The following NFATC2 variants were observed in gnomAD, a reference collection of about 807,000 sequenced individuals.
NFATC2 encodes the protein nuclear factor of activated T cells 2.
A neutral mutation model predicts 87.3 loss-of-function variants in NFATC2; 22 were observed. The ratio of observed to expected loss-of-function variants is 0.25; its 90% CI spans 0.18 to 0.36. NFATC2 has a LOEUF of 0.36. Ranked by LOEUF, NFATC2 falls within the 10% of genes least tolerant of loss-of-function variation. The pLI is 1.00. For synonymous variants in NFATC2, 565 were observed against 542.2 expected (o/e 1.04, Z -0.58); for missense variants, 1,149 against 1,259.1 (o/e 0.91, Z 1.32).
At chr20:51,457,305 C>T (rs1986654672) in intron 5 of NFATC2, among the ~76,000 whole-genome samples, 1 of 152,226 alleles carries the variant, frequency 6.6e-6, no homozygotes, top group African/African-American at 2.4e-5. Context: ...GCATCCCACC[C>T]ATTTTACAGG....
intron 9 of NFATC2, among the ~76,000 whole-genome samples, chr20:51,399,500 C>T (rs1462193963): frequency 6.6e-6 from 1 of 150,800 alleles, no homozygotes; most frequent in South Asian, 2.1e-4. Context: ...AACTAGGATG[C>T]TTTTTCAAAT....
intron 5 of NFATC2, among the ~76,000 whole-genome samples, chr20:51,473,049 T>C (rs1003551195): frequency 2.6e-5 from 4 of 152,226 alleles, no homozygotes; most frequent in African/African-American, 9.6e-5. Context: ...TAAACTTAGG[T>C]ATAAAGTACG....
chr20:51,531,081 A>G (rs2076625608), intron 1 of NFATC2, among the ~76,000 whole-genome samples: 2 of 152,200 alleles, frequency 1.3e-5, no homozygotes, highest in South Asian at 4.1e-4. Flanking sequence ...CCACCTACCC[A>G]CTGGATGCCA....
chr20:51,562,521 G>A lies in NFATC2; in HGVS notation c.70+39C>T, dbSNP rs1206451964. On this transcript the variant is annotated intron_variant, in intron 1 of 10. Coordinates refer to the NFATC2 transcript ENST00000414705. The surrounding 1 kb of genome is among the most constrained non-coding windows in gnomAD (Gnocchi z 5.8). ...GAGCAGCAGGAAAGGGCCGGGAGGA[G>A]CGAGCGGAAAAGGCTGGAAGGGATC... 21 of 1,514,198 alleles carry A rather than the reference G, an allele frequency of 1.4e-5. No homozygotes were observed. The highest frequency in any genetic ancestry group is 2.0e-5 in the Admixed American group (1 of 50,482). 93.8% of individuals were successfully genotyped at this position (1,514,198 alleles called of 1,614,324 possible). A position where few individuals can be genotyped will look rare whatever the true frequency, so the allele number is the denominator to read the frequency against.
rs891845633 is a variant in NFATC2, at chr20:51,524,255, C to T, written c.131-145G>A. 8.6e-5 allele frequency: 62 copies of T among 723,688 alleles called. No individual in the cohort carries two copies. The highest frequency in any genetic ancestry group is 3.7e-5 in the African/African-American group (2 of 53,924). The allele number at this position is 723,688 out of a possible 1,614,324, so 44.8% of individuals were successfully genotyped here. ...CCAAACCCCAAGCTAGAAGCTCCGT[C>T]CCTCACCAGAAGAAAACTGAGGCCA... On this transcript the variant is annotated intron_variant, in intron 1 of 10. Coordinates refer to ENST00000371564, the MANE Select transcript of NFATC2 (RefSeq NM_012340.5). This position sits in a 1 kb window ranked among gnomAD's most constrained non-coding sequence, Gnocchi z 4.0.
At chr20:51,557,398 G>A (rs1568762322) in intron 1 of NFATC2, among the ~76,000 whole-genome samples, 1 of 152,208 alleles carries the variant, frequency 6.6e-6, no homozygotes, top group Admixed American at 6.5e-5. Flanking sequence ...TGGGGAGGAC[G>A]GGAGAGAGGA....
At position 51,460,512 on chromosome 20, in the gene NFATC2, C is replaced by A. The variant is rs114735183; in HGVS notation, c.1709-5824G>T. Among the ~76,000 whole-genome samples, 1,159 of 151,984 alleles carry A rather than the reference C, an allele frequency of 7.6e-3. 17 individuals are homozygous for A. The highest frequency in any genetic ancestry group is 0.026 in the African/African-American group (1,073 of 41,464). ...GCTTCTGAGAGGCTGTATGTGCCAGCCATAGACATTGTTGTCTTATATATT... is the reference window on the plus strand; with the variant it reads ...GCTTCTGAGAGGCTGTATGTGCCAGACATAGACATTGTTGTCTTATATATT... On this transcript the variant is annotated intron_variant, in intron 5 of 10. Coordinates refer to ENST00000371564, the MANE Select transcript of NFATC2 (RefSeq NM_012340.5).
intron 3 of NFATC2, among the ~76,000 whole-genome samples, chr20:51,485,116 G>T (rs1164759165): frequency 1.3e-5 from 2 of 152,192 alleles, no homozygotes; most frequent in Non-Finnish European, 1.5e-5. Flanking sequence ...CCCGAAACAT[G>T]CTAGATTTGT....
chr20:51,495,660 A>T (rs1425528776), intron 3 of NFATC2, among the ~76,000 whole-genome samples: 2 of 152,196 alleles, frequency 1.3e-5, no homozygotes, highest in Non-Finnish European at 1.5e-5. Context: ...GACCAAGGAA[A>T]ATTGACTCAC....
chr20:51,439,703 G>A (rs921445880), intron 6 of NFATC2, among the ~76,000 whole-genome samples: 5 of 152,126 alleles, frequency 3.3e-5, no homozygotes, highest in African/African-American at 4.8e-5. Context: ...CATGTCCTGC[G>A]GCCACAACCA....
At chr20:51,552,969 C>T (rs184599202) in intron 1 of NFATC2, among the ~76,000 whole-genome samples, 3 of 152,230 alleles carry the variant, frequency 2.0e-5, no homozygotes, top group East Asian at 3.9e-4. Flanking sequence ...CTCTCCCTCC[C>T]GCACCTTCCT....
chr20:51,463,093 G>A (rs532445512), intron 5 of NFATC2, among the ~76,000 whole-genome samples: 5 of 152,368 alleles, frequency 3.3e-5, no homozygotes, highest in African/African-American at 9.6e-5. Context: ...CTGTGAGCCT[G>A]GTCTGGCTGG....
chr20:51,467,880 C>A (rs1295168206), intron 5 of NFATC2, among the ~76,000 whole-genome samples: 3 of 152,160 alleles, frequency 2.0e-5, no homozygotes, highest in Non-Finnish European at 4.4e-5. Context: ...TGCATAGTAG[C>A]CTTATCCATA....
intron 3 of NFATC2, among the ~76,000 whole-genome samples, chr20:51,479,487 C>T (rs917681816): frequency 3.3e-5 from 5 of 152,156 alleles, no homozygotes; most frequent in East Asian, 3.9e-4. Context: ...GGCATAGTGT[C>T]GCACGTCCGT....
intron 5 of NFATC2, 92 bp downstream of exon 5, chr20:51,473,888 C>T: frequency 7.1e-7 from 1 of 1,414,522 alleles, no homozygotes; most frequent in Middle Eastern, 2.0e-4. Context: ...GCAGGCCACC[C>T]CGGGTACCTC....
chr20:51,396,038 GTATATATATATATATATATATA>G (rs1161908517), intron 10 of NFATC2, among the ~76,000 whole-genome samples: 280 of 21,288 alleles, frequency 0.013, 3 homozygotes, highest in South Asian at 0.083. Flanking sequence ...CTCCTAGTAT[GTATATATATATATATATATATA>G]TATATATATA....
At chr20:51,455,580 G>T (rs554756896) in intron 5 of NFATC2, among the ~76,000 whole-genome samples, 3 of 150,216 alleles carry the variant, frequency 2.0e-5, no homozygotes, top group African/African-American at 7.4e-5. Context: ...TATGTAGCTT[G>T]TATTGGTTTA....
intron 1 of NFATC2, among the ~76,000 whole-genome samples, chr20:51,559,301 C>T (rs1269197892): frequency 6.6e-6 from 1 of 152,216 alleles, no homozygotes; most frequent in African/African-American, 2.4e-5. Context: ...AGTTTCACCA[C>T]CTCTAGCAAT....
chr20:51,538,022 AC>A (rs2076748235), intron 1 of NFATC2, among the ~76,000 whole-genome samples: 1 of 152,216 alleles, frequency 6.6e-6, no homozygotes, highest in Non-Finnish European at 1.5e-5. Context: ...ACAAAGAAGC[AC>A]CAGGTCCAGG....
Sources: gnomAD v4.1 joint callset for allele counts (sites outside exome capture counted in the v4.1 genomes callset) on GRCh38, gnomAD v4.1.1 for gene constraint, Gnocchi (gnomAD v3.1) non-coding constraint, MANE v1.5 for transcripts, NCBI Gene and HGNC (gene_info 2026-07-23, HGNC 2026-07-21) for gene names.